Variants in CLNK observed in about 807,000 individuals in gnomAD.
CLNK encodes the protein cytokine-dependent hematopoietic cell linker.
CLNK carries 74 observed loss-of-function variants against 68.6 expected under a neutral mutation model. The observed-to-expected ratio is 1.08, with a 90% CI of 0.89 to 1.31. The LOEUF is 1.31. CLNK is among the 50% of genes most tolerant of loss of function. CLNK has a pLI of 0.00. For synonymous variants in CLNK, 198 were observed against 172.2 expected (o/e 1.15, Z -1.17); for missense variants, 553 against 515.3 (o/e 1.07, Z -0.71).
Position 10,573,897 on chromosome 4 carries a change from A to G in CLNK, c.113-2119T>C, listed in dbSNP as rs1262790995. Among the ~76,000 whole-genome samples, 4 of 152,048 alleles carry G rather than the reference A, an allele frequency of 2.6e-5. No individual in the cohort carries two copies. The East Asian group carries it at 7.7e-4, about 29-fold the overall frequency. The stretch of plus-strand genomic sequence containing the variant: ...CCTCCCCTTTGCTTCCCAAATGCTC[A>G]TCATCCTTTCAGATCCCATTTCTCT... On this transcript the variant is annotated intron_variant, in intron 4 of 18. Coordinates refer to ENST00000226951, the MANE Select transcript of CLNK (RefSeq NM_052964.4).
the CLNK span, among the ~76,000 whole-genome samples, chr4:10,726,267 C>T: frequency 6.6e-6 from 1 of 152,112 alleles, no homozygotes; most frequent in South Asian, 2.1e-4. Context: ...ACTACAGACG[C>T]CTGCCACCAC....
chr4:10,671,258 C>T (rs763363244), intron 1 of CLNK, among the ~76,000 whole-genome samples: 9 of 151,932 alleles, frequency 5.9e-5, no homozygotes, highest in Admixed American at 1.3e-4. Flanking sequence ...TGGTGGTGGG[C>T]GCCTATAATC....
At chr4:10,517,922 G>A (rs1235749207) in intron 15 of CLNK, among the ~76,000 whole-genome samples, 1 of 152,076 alleles carries the variant, frequency 6.6e-6, no homozygotes, top group Non-Finnish European at 1.5e-5. Flanking sequence ...TTGAATGAAT[G>A]AATGAAAGAA....
chr4:10,525,790 A>G (rs1718290780), intron 14 of CLNK, 51 bp downstream of exon 14: 1 of 1,082,708 alleles, frequency 9.2e-7, no homozygotes, highest in Admixed American at 2.2e-5. Context: ...GAGACAGCAC[A>G]TGGCCTGACC....
At position 10,490,465 on chromosome 4, in the gene CLNK, G is replaced by A. The variant is rs373884433; in HGVS notation, c.*2C>T. 1.2e-6 allele frequency: 2 copies of A among 1,612,684 alleles called. No homozygotes were observed. The highest frequency in any genetic ancestry group is 1.7e-6 in the Non-Finnish European group (2 of 1,179,596). ...TAAACCAAAGATAACACAAAGACCA[G>A]GCTACAGAGGCAAGAGGTGTCTGGT... On this transcript the variant is annotated 3_prime_UTR_variant, in exon 19 of 19. Transcript: ENST00000226951.
chr4:10,571,243 C>T (rs17467553), intron 5 of CLNK, among the ~76,000 whole-genome samples: 7,124 of 151,250 alleles, frequency 0.047, 217 homozygotes, highest in Middle Eastern at 0.1. Flanking sequence ...TATAGTTTTA[C>T]ACCCAAGAAT....
intron 2 of CLNK, among the ~76,000 whole-genome samples, chr4:10,608,998 C>A (rs1268253874): frequency 1.3e-5 from 2 of 152,140 alleles, no homozygotes; most frequent in African/African-American, 4.8e-5. Flanking sequence ...GCCTCAAGGG[C>A]CCCACTTAAC....
At chr4:10,493,817 G>C (rs1164839763) in intron 18 of CLNK, among the ~76,000 whole-genome samples, 1 of 152,168 alleles carries the variant, frequency 6.6e-6, no homozygotes, top group Non-Finnish European at 1.5e-5. Context: ...CCAACCACTA[G>C]CAGTGTGACT....
the CLNK span, among the ~76,000 whole-genome samples, chr4:10,717,020 G>GA: frequency 0.31 from 44,895 of 145,564 alleles, 6,976 homozygotes; most frequent in South Asian, 0.36. Context: ...AAACGCCACA[G>GA]AAAAAAAAAA....
the CLNK span, among the ~76,000 whole-genome samples, chr4:10,730,169 G>A: frequency 6.6e-6 from 1 of 152,138 alleles, no homozygotes; most frequent in Non-Finnish European, 1.5e-5. Context: ...GCAAGCTCAC[G>A]GTCTGCATAG....
intron 16 of CLNK, among the ~76,000 whole-genome samples, chr4:10,512,417 G>A (rs1717628603): frequency 6.6e-6 from 1 of 151,964 alleles, no homozygotes; most frequent in Admixed American, 6.6e-5. Flanking sequence ...TTTTGGTAGA[G>A]ATAGAGTTTC....
intron 2 of CLNK, among the ~76,000 whole-genome samples, chr4:10,650,917 A>G (rs1156229537): frequency 6.6e-6 from 1 of 152,226 alleles, no homozygotes; most frequent in African/African-American, 2.4e-5. Flanking sequence ...TTCTCAAAAG[A>G]AGACATTTAT....
chr4:10,654,504 C>T (rs1723884861), intron 2 of CLNK, among the ~76,000 whole-genome samples: 1 of 149,906 alleles, frequency 6.7e-6, no homozygotes, highest in Non-Finnish European at 1.5e-5. Flanking sequence ...AGAGCATTTA[C>T]CTCAAGATTT....
chr4:10,521,112 G>A (rs1205471698), intron 14 of CLNK, among the ~76,000 whole-genome samples: 1 of 152,144 alleles, frequency 6.6e-6, no homozygotes, highest in Non-Finnish European at 1.5e-5. Context: ...ACTTTTTGAA[G>A]CCATGAGTTT....
intron 18 of CLNK, among the ~76,000 whole-genome samples, chr4:10,491,169 C>T (rs772568831): frequency 3.3e-5 from 5 of 152,230 alleles, no homozygotes; most frequent in Non-Finnish European, 7.3e-5. Context: ...AGCCCTATGG[C>T]AGCTCTTTAA....
intron 15 of CLNK, among the ~76,000 whole-genome samples, chr4:10,516,685 T>C (rs1717850524): frequency 6.6e-6 from 1 of 152,072 alleles, no homozygotes; most frequent in African/African-American, 2.4e-5. Context: ...CCCGAGTAGC[T>C]GGAATTACAG....
chr4:10,603,570 G>A (rs1721672661), intron 2 of CLNK, among the ~76,000 whole-genome samples: 1 of 152,216 alleles, frequency 6.6e-6, no homozygotes, highest in Non-Finnish European at 1.5e-5. Context: ...AAGTGTTTTA[G>A]GGAGTGCTCC....
intron 2 of CLNK, among the ~76,000 whole-genome samples, chr4:10,633,214 G>A (rs1347122129): frequency 2.0e-5 from 3 of 152,102 alleles, no homozygotes; most frequent in Non-Finnish European, 2.9e-5. Flanking sequence ...CTGGGATTAC[G>A]GCATCAGCCA....
intron 2 of CLNK, among the ~76,000 whole-genome samples, chr4:10,619,728 C>T (rs546760225): frequency 1.5e-3 from 222 of 152,120 alleles, no homozygotes; most frequent in African/African-American, 5.2e-3. Context: ...AATAGAAAGG[C>T]GGTCAGCATG....
Sources: gnomAD v4.1 joint callset for allele counts (sites outside exome capture counted in the v4.1 genomes callset) on GRCh38, gnomAD v4.1.1 for gene constraint, MANE v1.5 for transcripts, NCBI Gene and HGNC (gene_info 2026-07-23, HGNC 2026-07-21) for gene names.